The following TBXAS1 variants were observed in gnomAD, a reference collection of about 807,000 sequenced individuals.
TBXAS1 encodes thromboxane-A synthase.
A neutral mutation model predicts 60.7 loss-of-function variants in TBXAS1; 48 were observed. The observed-to-expected ratio is 0.79, with a 90% confidence interval of 0.63 to 1.01. The LOEUF is 1.01. Among genes scored for constraint, TBXAS1 ranks in the 50% least tolerant of loss-of-function variants. The probability of loss-of-function intolerance (pLI) is 0.00; values close to 1 mark genes in which losing one functional copy is unlikely to be tolerated. For synonymous variants in TBXAS1, 287 were observed against 269.7 expected, an observed-to-expected ratio of 1.06 and a Z score of -0.63; for missense variants, 685 against 686.3, an observed-to-expected ratio of 1.00 and a Z score of 0.02.
At chr7:139,895,836 G>A (rs1427320043) in intron 3 of TBXAS1, among the ~76,000 whole-genome samples, 1 of 152,212 alleles carries the variant, frequency 6.6e-6, no homozygotes, top group Admixed American at 6.5e-5. Context: ...CACAAAGGCA[G>A]GCCCATGGCT....
intron 4 of TBXAS1, among the ~76,000 whole-genome samples, chr7:139,807,079 C>A (rs1797896685): frequency 6.6e-6 from 1 of 152,350 alleles, no homozygotes. Context: ...GGCCACTCTG[C>A]AGTCCAACTG....
intron 9 of TBXAS1, among the ~76,000 whole-genome samples, chr7:139,971,890 C>G (rs2117447782): frequency 6.6e-6 from 1 of 152,284 alleles, no homozygotes; most frequent in Middle Eastern, 3.4e-3. Context: ...TGACTCTATT[C>G]CCAGGTCCAG....
rs1335072351 is a variant in TBXAS1 at position 139,951,958 on chromosome 7, GA to G, written c.451-1407del. On this transcript the variant is annotated intron_variant, in intron 5 of 12. Coordinates refer to ENST00000448866, the MANE Select transcript of TBXAS1 (RefSeq NM_001061.7). Reference sequence around the variant, plus strand: ...GAAAGAAGGAAAGAAAGAAAAGAAAGAAAGAAAGAAAGAAAGAAAGAAAGAA... The same window carrying G: ...GAAAGAAGGAAAGAAAGAAAAGAAAGAAGAAAGAAAGAAAGAAAGAAAGAA... 4.2e-5 allele frequency among the ~76,000 whole-genome samples: 4 copies of G among 95,160 alleles called. No individual in the cohort carries two copies. In the East Asian group the frequency reaches 8.3e-4, roughly 20 times the overall value. 62.4% of individuals were successfully genotyped at this position (95,160 alleles called of 152,430 possible).
intron 3 of TBXAS1, among the ~76,000 whole-genome samples, chr7:139,907,243 T>C (rs913128900): frequency 2.0e-5 from 3 of 152,220 alleles, no homozygotes; most frequent in Admixed American, 6.5e-5. Flanking sequence ...GAACAAGTGC[T>C]GGATTTTGTC....
At chr7:139,885,713 A>T (rs1803039100) in intron 3 of TBXAS1, among the ~76,000 whole-genome samples, 2 of 152,246 alleles carry the variant, frequency 1.3e-5, no homozygotes, top group Admixed American at 1.3e-4. Flanking sequence ...CTTAGAGCTT[A>T]AAGTTCCTCT....
chr7:139,805,730 CTT>C (rs72254858), intron 4 of TBXAS1, among the ~76,000 whole-genome samples: 10,657 of 104,226 alleles, frequency 0.1, 648 homozygotes, highest in East Asian at 0.18. Context: ...CTCTCTCTCT[CTT>C]TCTTTCTTTC....
intron 5 of TBXAS1, among the ~76,000 whole-genome samples, chr7:139,942,111 G>T (rs943955121): frequency 2.6e-5 from 4 of 152,126 alleles, no homozygotes; most frequent in Non-Finnish European, 5.9e-5. Flanking sequence ...AAGAATAAAA[G>T]AATACATTTA....
At position 139,852,837 on chromosome 7, in the gene TBXAS1, T is replaced by A. The variant is rs1800310639; in HGVS notation, c.90-19398T>A. 6.6e-6 allele frequency among the ~76,000 whole-genome samples: 1 copy of A among 152,094 alleles called. No individual in the cohort carries two copies. Among genetic ancestry groups the A allele is most frequent in the Admixed American group, 6.6e-5 (1 of 15,262 alleles). On this transcript the variant is annotated intron_variant, in intron 1 of 12. Transcript: ENST00000448866. The surrounding 1 kb of genome is among the most constrained non-coding windows in gnomAD (Gnocchi z 4.4). ...TCTTATCCAATTGGCAAACATTTTTTAAATGCCTACTCGGCTGGGTACAAA... is the reference window on the plus strand; with the variant it reads ...TCTTATCCAATTGGCAAACATTTTTAAAATGCCTACTCGGCTGGGTACAAA...
chr7:140,003,721 A>G (rs548299305), intron 9 of TBXAS1, among the ~76,000 whole-genome samples: 22 of 152,324 alleles, frequency 1.4e-4, no homozygotes, highest in Non-Finnish European at 2.6e-4. Context: ...TTCCAGATCC[A>G]GTTTTTCTTT....
At chr7:139,974,345 C>T (rs1433107455) in intron 9 of TBXAS1, among the ~76,000 whole-genome samples, 1 of 152,234 alleles carries the variant, frequency 6.6e-6, no homozygotes, top group East Asian at 1.9e-4. Flanking sequence ...GGACACTCGG[C>T]TGGCACCAGA....
chr7:139,878,836 A>G (rs1363682356), intron 3 of TBXAS1, among the ~76,000 whole-genome samples: 1 of 152,200 alleles, frequency 6.6e-6, no homozygotes, highest in East Asian at 1.9e-4. Flanking sequence ...CTTCTTAAAA[A>G]TTGAAATAAT....
chr7:140,016,499 G>C (rs1815085665), intron 11 of TBXAS1: 2 of 245,260 alleles, frequency 8.2e-6, no homozygotes, highest in Non-Finnish European at 1.6e-5. Context: ...ATGGGATACA[G>C]GATTGTATTT....
intron 10 of TBXAS1, among the ~76,000 whole-genome samples, chr7:140,012,699 T>A (rs1703982768): frequency 6.6e-6 from 1 of 152,076 alleles, no homozygotes; most frequent in Admixed American, 6.6e-5. Flanking sequence ...CCTCAGGTGA[T>A]CCACACACCT....
intron 1 of TBXAS1, among the ~76,000 whole-genome samples, chr7:139,864,939 AGG>A (rs1222898548): frequency 6.6e-6 from 1 of 152,194 alleles, no homozygotes; most frequent in Non-Finnish European, 1.5e-5. Flanking sequence ...GTACCTGGAA[AGG>A]AGGTACTCTA....
chr7:140,002,336 GTTGAGACT>G (rs908969936), intron 9 of TBXAS1, among the ~76,000 whole-genome samples: 1 of 152,224 alleles, frequency 6.6e-6, no homozygotes, highest in African/African-American at 2.4e-5. Flanking sequence ...TAAATTCTAT[GTTGAGACT>G]TTGGGTTCAC....
intron 4 of TBXAS1, among the ~76,000 whole-genome samples, chr7:139,787,606 T>G (rs1413687483): frequency 1.3e-5 from 2 of 152,032 alleles, no homozygotes; most frequent in Non-Finnish European, 2.9e-5. Flanking sequence ...GAGGGTTGGG[T>G]AAAGCCAGGG....
Position 139,955,624 on chromosome 7 carries a change from C to T in TBXAS1, c.688+17C>T, listed in dbSNP as rs750420213. ...TTTTACTCTGTAAGTGCGGCTGCAG[C>T]CCGGGGCGCTGCGATGACTCCAGCA... On this transcript the variant is annotated intron_variant, in intron 7 of 12. Transcript: ENST00000448866. 6.2e-7 allele frequency: 1 copy of T among 1,613,736 alleles called. No individual in the cohort carries two copies.
intron 5 of TBXAS1, 43 bp downstream of exon 5, chr7:139,936,350 G>A (rs551464960): frequency 1.3e-6 from 2 of 1,591,590 alleles, no homozygotes; most frequent in African/African-American, 1.3e-5. Context: ...TACGGAGCAG[G>A]TTTCTTCTCT....
intron 1 of TBXAS1, among the ~76,000 whole-genome samples, chr7:139,831,792 C>T (rs1395243250): frequency 1.3e-5 from 2 of 152,168 alleles, no homozygotes; most frequent in Admixed American, 1.3e-4. Context: ...ATTAGCTGGG[C>T]ATGGCAGCAG....
Sources: gnomAD v4.1 joint callset for allele counts (sites outside exome capture counted in the v4.1 genomes callset) on GRCh38, gnomAD v4.1.1 for gene constraint, Gnocchi (gnomAD v3.1) non-coding constraint, MANE v1.5 for transcripts, NCBI Gene and HGNC (gene_info 2026-07-23, HGNC 2026-07-21) for gene names.